SLC5A1: variants seen among roughly 807,000 people sequenced by gnomAD.
SLC5A1 encodes sodium/glucose cotransporter 1.
SLC5A1 carries 42 observed loss-of-function variants against 73.5 expected under a neutral mutation model. The ratio of observed to expected loss-of-function variants is 0.57; its 90% CI spans 0.45 to 0.74. SLC5A1 has a LOEUF of 0.74. Among genes scored for constraint, SLC5A1 ranks in the 30% least tolerant of loss-of-function variants. SLC5A1 has a pLI of 0.00. For missense variants in SLC5A1, 634 were observed against 855.4 expected (o/e 0.74, Z 3.23); for synonymous variants, 300 against 317.4 (o/e 0.95, Z 0.58).
Position 32,085,049 on chromosome 22 carries a change from C to T in SLC5A1, c.1021+14C>T, listed in dbSNP as rs760577470. The T allele has an allele frequency of 6.2e-7, 1 of 1,614,056 alleles. No homozygotes were observed. The highest frequency in any genetic ancestry group is 1.1e-5 in the South Asian group (1 of 91,076). On this transcript the variant is annotated intron_variant, in intron 9 of 14. Transcript: ENST00000266088. ...TTCTGTACACAGGTAATAACTTCTG[C>T]TGGACCCACAAACCACTCTCCCTTT...
At chr22:32,098,024 C>T (rs1217780716) in intron 11 of SLC5A1, among the ~76,000 whole-genome samples, 1 of 152,136 alleles carries the variant, frequency 6.6e-6, no homozygotes, top group African/African-American at 2.4e-5. Flanking sequence ...ACTAGAGTGA[C>T]TAAAATTCAA....
intron 2 of SLC5A1, among the ~76,000 whole-genome samples, chr22:32,056,168 C>A (rs1466954323): frequency 6.6e-6 from 1 of 152,150 alleles, no homozygotes; most frequent in Non-Finnish European, 1.5e-5. Context: ...ACTACAGGTG[C>A]GTGCCACCAC....
At chr22:32,090,262 G>T (rs2094015015) in intron 10 of SLC5A1, among the ~76,000 whole-genome samples, 1 of 152,094 alleles carries the variant, frequency 6.6e-6, no homozygotes, top group African/African-American at 2.4e-5. Context: ...ATGCCATAAA[G>T]AAATCCTATA....
At chr22:32,070,666 T>C (rs1253880862) in intron 5 of SLC5A1, among the ~76,000 whole-genome samples, 1 of 152,114 alleles carries the variant, frequency 6.6e-6, no homozygotes, top group African/African-American at 2.4e-5. Context: ...TTTTTCTTCC[T>C]TGTAAGTGTT....
At chr22:32,084,382 G>T in intron 7 of SLC5A1, 57 bp from the exon 8 acceptor site, 5 of 1,477,784 alleles carry the variant, frequency 3.4e-6, no homozygotes, top group Non-Finnish European at 4.7e-6. Flanking sequence ...ATGGAAAGAA[G>T]CTGCTATGAC....
intron 10 of SLC5A1, 85 bp downstream of exon 10, chr22:32,086,412 C>T (rs901256446): frequency 1.1e-6 from 1 of 926,550 alleles, no homozygotes; most frequent in African/African-American, 1.6e-5. Context: ...TGTGAACCTT[C>T]TGGGCAAAGA....
intron 10 of SLC5A1, among the ~76,000 whole-genome samples, chr22:32,090,089 G>C (rs2149493702): frequency 7.5e-6 from 1 of 134,028 alleles, no homozygotes; most frequent in South Asian, 2.3e-4. Context: ...TAGAAATACA[G>C]CCTTGTCTTT....
intron 2 of SLC5A1, among the ~76,000 whole-genome samples, chr22:32,058,956 C>T (rs929748255): frequency 6.6e-6 from 1 of 152,204 alleles, no homozygotes; most frequent in African/African-American, 2.4e-5. Flanking sequence ...ATAAATGCAG[C>T]TCTCAGACAT....
chr22:32,088,529 G>T, intron 10 of SLC5A1, among the ~76,000 whole-genome samples: 1 of 151,922 alleles, frequency 6.6e-6, no homozygotes, highest in African/African-American at 2.4e-5. Context: ...AGTACAGACG[G>T]GGTTTCACCA....
chr22:32,085,501 T>A (rs1299069633), intron 9 of SLC5A1, among the ~76,000 whole-genome samples: 1 of 152,054 alleles, frequency 6.6e-6, no homozygotes, highest in Non-Finnish European at 1.5e-5. Context: ...GAGGGAACTT[T>A]TGGAGTTGTC....
At chr22:32,089,379 A>C (rs2094013360) in intron 10 of SLC5A1, among the ~76,000 whole-genome samples, 1 of 152,226 alleles carries the variant, frequency 6.6e-6, no homozygotes, top group South Asian at 2.1e-4. Context: ...AATTATTTAA[A>C]GATATAAAAC....
rs147405876 is a variant in SLC5A1, at chr22:32,044,655, C to T, written c.135+1239C>T. On this transcript the variant is annotated intron_variant, in intron 1 of 14. Transcript: ENST00000266088. ...ATAGTGGAAACTGACCAACTAGGAG[C>T]CAGGATACTCAAGTTCACTACTGGC... Among the ~76,000 whole-genome samples, 914 of 152,176 alleles carry T rather than the reference C, an allele frequency of 6.0e-3. 7 individuals are homozygous for T. Among genetic ancestry groups the T allele is most frequent in the African/African-American group, 0.021 (856 of 41,514 alleles).
chr22:32,075,917 T>G (rs2093990195), intron 5 of SLC5A1, among the ~76,000 whole-genome samples: 1 of 152,204 alleles, frequency 6.6e-6, no homozygotes, highest in African/African-American at 2.4e-5. Flanking sequence ...CACACAGGAA[T>G]GCAGGGCTCA....
intron 2 of SLC5A1, among the ~76,000 whole-genome samples, chr22:32,051,637 C>T (rs756525310): frequency 6.6e-6 from 1 of 152,036 alleles, no homozygotes; most frequent in Admixed American, 6.6e-5. Flanking sequence ...GCCTGGGGGA[C>T]AGAGTGAGAC....
At chr22:32,065,202 C>T (rs1909434208) in intron 2 of SLC5A1, among the ~76,000 whole-genome samples, 1 of 152,138 alleles carries the variant, frequency 6.6e-6, no homozygotes, top group Admixed American at 6.5e-5. Flanking sequence ...CTGCTTCAGC[C>T]TCCTAAAGTA....
chr22:32,099,102 AAAAAT>A (rs1221883323), intron 11 of SLC5A1, 76 bp from the exon 12 acceptor site: 77 of 129,576 alleles, frequency 5.9e-4, no homozygotes, highest in South Asian at 2.3e-3. Context: ...AAAAAAAAAA[AAAAAT>A]ATATATATAT....
intron 12 of SLC5A1, among the ~76,000 whole-genome samples, chr22:32,100,363 T>C (rs1476985281): frequency 6.6e-6 from 1 of 152,200 alleles, no homozygotes; most frequent in African/African-American, 2.4e-5. Context: ...GGACTTCCAG[T>C]ACTATGTTGA....
chr22:32,106,524 T>C (rs147304848), intron 14 of SLC5A1, among the ~76,000 whole-genome samples: 1 of 152,312 alleles, frequency 6.6e-6, no homozygotes, highest in East Asian at 1.9e-4. Flanking sequence ...TCTTCTGACA[T>C]AGCCTGTGAA....
At chr22:32,065,821 G>A (rs899815364) in intron 2 of SLC5A1, among the ~76,000 whole-genome samples, 3 of 152,154 alleles carry the variant, frequency 2.0e-5, no homozygotes, top group Non-Finnish European at 2.9e-5. Flanking sequence ...CTGGGAATAG[G>A]GGCTGGTATA....
Sources: allele counts gnomAD v4.1 joint callset (sites outside exome capture counted in the v4.1 genomes callset), GRCh38; gene constraint gnomAD v4.1.1; transcripts MANE v1.5; gene names NCBI Gene and HGNC (gene_info 2026-07-23, HGNC 2026-07-21).